The following SYT16 variants were observed in gnomAD, a reference collection of about 807,000 sequenced individuals.
The protein encoded by SYT16 is synaptotagmin-16.
Under a neutral mutation model 61.4 loss-of-function variants are expected in SYT16, and 42 were observed. The observed-to-expected ratio is 0.68, with a 90% CI of 0.53 to 0.89. SYT16 has a LOEUF of 0.89. Ranked by LOEUF, SYT16 falls within the 40% of genes least tolerant of loss-of-function variation. The pLI is 0.00. For missense variants in SYT16, 804 were observed against 807.3 expected (o/e 1.00, Z 0.05); for synonymous variants, 314 against 302.3 (o/e 1.04, Z -0.40).
intron 1 of SYT16, among the ~76,000 whole-genome samples, chr14:61,953,500 T>G (rs1357880506): frequency 6.6e-6 from 1 of 152,102 alleles, no homozygotes; most frequent in African/African-American, 2.4e-5. Flanking sequence ...CAGCATTTGC[T>G]CTCTTGCTCT....
chr14:61,965,237 T>C (rs1243640850), intron 1 of SYT16, among the ~76,000 whole-genome samples: 1 of 152,176 alleles, frequency 6.6e-6, no homozygotes, highest in African/African-American at 2.4e-5. Flanking sequence ...ATAAGTCTTG[T>C]GTTGCCGCCT....
intron 1 of SYT16, among the ~76,000 whole-genome samples, chr14:61,917,255 C>T (rs1332559290): frequency 6.6e-6 from 1 of 152,134 alleles, no homozygotes; most frequent in Non-Finnish European, 1.5e-5. Context: ...GCCTTGTTTA[C>T]ACAGCATCTA....
At chr14:61,935,558 C>A (rs2049947046) in intron 1 of SYT16, among the ~76,000 whole-genome samples, 1 of 152,110 alleles carries the variant, frequency 6.6e-6, no homozygotes, top group Non-Finnish European at 1.5e-5. Flanking sequence ...TGATCTATAC[C>A]AGTGAGGGTA....
intron 6 of SYT16, among the ~76,000 whole-genome samples, chr14:62,081,994 T>A (rs1035247137): frequency 2.6e-5 from 4 of 152,194 alleles, no homozygotes; most frequent in Non-Finnish European, 4.4e-5. Flanking sequence ...GCCTCTGCCC[T>A]TGGAGAGCTT....
intron 3 of SYT16, among the ~76,000 whole-genome samples, chr14:62,020,464 G>A (rs910922392): frequency 1.3e-5 from 2 of 152,092 alleles, no homozygotes; most frequent in Non-Finnish European, 2.9e-5. Flanking sequence ...AGTTCCTAAA[G>A]TTACCCATAC....
chr14:61,870,540 A>G (rs2047299787), intron 1 of SYT16, among the ~76,000 whole-genome samples: 1 of 151,602 alleles, frequency 6.6e-6, no homozygotes, highest in African/African-American at 2.4e-5. Flanking sequence ...TTTTTGGCCA[A>G]TTGTTTCTTC....
intron 2 of SYT16, among the ~76,000 whole-genome samples, chr14:61,991,697 A>G (rs1043319913): frequency 1.3e-5 from 2 of 152,162 alleles, no homozygotes; most frequent in Admixed American, 6.6e-5. Context: ...GCTTCTTTCC[A>G]ATTATTCTGG....
chr14:61,872,896 A>C (rs2047373797), intron 1 of SYT16, among the ~76,000 whole-genome samples: 1 of 152,232 alleles, frequency 6.6e-6, no homozygotes, highest in Non-Finnish European at 1.5e-5. Context: ...CATTGGTAAA[A>C]ATAATTCATT....
intron 1 of SYT16, among the ~76,000 whole-genome samples, chr14:61,889,544 G>A (rs770187752): frequency 2.0e-5 from 3 of 152,106 alleles, no homozygotes; most frequent in Non-Finnish European, 2.9e-5. Context: ...TGCAAAAGCT[G>A]TTTGTTAAAA....
rs565027919 is a variant in SYT16 at position 62,081,019 on chromosome 14, G to A, written c.1179G>A (p.Val393=). 4.3e-6 allele frequency: 7 copies of A among 1,613,410 alleles called. No homozygotes were observed. In the South Asian group the frequency reaches 7.7e-5, roughly 18 times the overall value. The change falls in exon 6 of 8, where the codon GTG becomes GTA. Residue 393 remains valine, a synonymous_variant. Coordinates refer to ENST00000683842, the MANE Select transcript of SYT16 (RefSeq NM_001367656.1). ...SGVNSWQVHV[V]LLPGKKHRGR... ...TCAACTCCTGGCAAGTTCATGTAGT[G>A]CTGCTGCCTGGTAAGAAACACAGGG... is the stretch of plus-strand genomic sequence containing the variant.
In SYT16 at chr14:62,054,360, G is replaced by GTTGTTTTTTTTTTTTTT. The variant is rs1411904235; in HGVS notation, c.524-15241_524-15240insGTTTTTTTTTTTTTTTT. 1.6e-3 allele frequency among the ~76,000 whole-genome samples: 185 copies of GTTGTTTTTTTTTTTTTT among 118,218 alleles called. 1 individual carries two copies. The highest frequency in any genetic ancestry group is 4.0e-3 in the East Asian group (16 of 4,006). The allele number at this position is 118,218 out of a possible 152,430, so 77.6% of individuals were successfully genotyped here. A position where few individuals can be genotyped will look rare whatever the true frequency, so the allele number is the denominator to read the frequency against. Reference sequence around the variant, plus strand: ...TAAAAGCTGTTACTTAGTGAAGTGAGTTTTTTTTTTTTTTTTTGGAGATAG... The same window carrying GTTGTTTTTTTTTTTTTT: ...TAAAAGCTGTTACTTAGTGAAGTGAGTTGTTTTTTTTTTTTTTTTTTTTTTTTTTTTTTTGGAGATAG... On this transcript the variant is annotated intron_variant, in intron 3 of 7. Transcript: ENST00000683842.
intron 3 of SYT16, among the ~76,000 whole-genome samples, chr14:62,048,696 C>G (rs2055118735): frequency 6.6e-6 from 1 of 152,154 alleles, no homozygotes; most frequent in African/African-American, 2.4e-5. Context: ...TTGTTGGTTT[C>G]AAAGAACATC....
intron 3 of SYT16, among the ~76,000 whole-genome samples, chr14:62,028,605 AT>A (rs1160416524): frequency 2.0e-5 from 3 of 152,182 alleles, no homozygotes; most frequent in Admixed American, 2.0e-4. Context: ...TTATGTGTTA[AT>A]TATAAGTGTC....
At chr14:61,869,598 C>T (rs905607898) in intron 1 of SYT16, among the ~76,000 whole-genome samples, 1 of 151,976 alleles carries the variant, frequency 6.6e-6, no homozygotes, top group East Asian at 1.9e-4. Flanking sequence ...TGTTATACAC[C>T]CAACTGCTGT....
At chr14:61,856,205 T>G (rs1347568519) in intron 1 of SYT16, among the ~76,000 whole-genome samples, 1 of 152,232 alleles carries the variant, frequency 6.6e-6, no homozygotes, top group African/African-American at 2.4e-5. Context: ...TGAAGAGTTT[T>G]GATAACAGAA....
chr14:61,837,115 G>A (rs957757811), intron 1 of SYT16, among the ~76,000 whole-genome samples: 5 of 152,066 alleles, frequency 3.3e-5, no homozygotes, highest in Non-Finnish European at 7.4e-5. Flanking sequence ...GAGATTGAGG[G>A]GGTTTCAAAT....
chr14:62,046,057 C>T (rs1363444016), intron 3 of SYT16, among the ~76,000 whole-genome samples: 2 of 152,194 alleles, frequency 1.3e-5, no homozygotes, highest in South Asian at 2.1e-4. Flanking sequence ...AACTAGTTTA[C>T]AGTCCCACCA....
At chr14:61,983,636 CAGCCTCAGTTTCCTAAGT>C (rs2052180180) in intron 2 of SYT16, among the ~76,000 whole-genome samples, 1 of 152,096 alleles carries the variant, frequency 6.6e-6, no homozygotes, top group South Asian at 2.1e-4. Context: ...AGCAATCCTT[CAGCCTCAGTTTCCTAAGT>C]AGCTTGGACT....
intron 1 of SYT16, among the ~76,000 whole-genome samples, chr14:61,874,444 G>T (rs188112959): frequency 2.6e-5 from 4 of 152,236 alleles, no homozygotes; most frequent in Admixed American, 2.6e-4. Context: ...ATATGAGGGG[G>T]TGATGGTTCC....
Sources: gnomAD v4.1 joint callset for allele counts (sites outside exome capture counted in the v4.1 genomes callset) on GRCh38, gnomAD v4.1.1 for gene constraint, MANE v1.5 for transcripts, NCBI Gene and HGNC (gene_info 2026-07-23, HGNC 2026-07-21) for gene names.